Variants in DLC1 observed in about 807,000 individuals in gnomAD.
DLC1 encodes DLC1 Rho GTPase activating protein, also known as rho GTPase-activating protein 7.
DLC1 carries 54 observed loss-of-function variants against 140.3 expected under a neutral mutation model. The observed-to-expected ratio is 0.38, with a 90% CI of 0.31 to 0.48. The LOEUF (loss-of-function observed/expected upper bound fraction) is 0.48, where lower values mean the gene tolerates loss of function less well. DLC1 is among the 20% of genes least tolerant of loss of function. DLC1 has a pLI of 0.96. For missense variants in DLC1, 2,536 were observed against 1,907.0 expected, an observed-to-expected ratio of 1.33 and a Z score of -6.14; for synonymous variants, 986 against 728.1, an observed-to-expected ratio of 1.35 and a Z score of -5.70.
intron 2 of DLC1, among the ~76,000 whole-genome samples, chr8:13,439,715 G>A (rs777676980): frequency 6.6e-6 from 1 of 151,988 alleles, no homozygotes; most frequent in Non-Finnish European, 1.5e-5. Context: ...CTAGTTGGTC[G>A]AGACTTCCAC....
At chr8:13,141,856 C>A (rs1228444281) in intron 5 of DLC1, among the ~76,000 whole-genome samples, 3 of 152,104 alleles carry the variant, frequency 2.0e-5, no homozygotes, top group Non-Finnish European at 4.4e-5. Context: ...AACTGCAAGG[C>A]AACGAATTAC....
intron 5 of DLC1, among the ~76,000 whole-genome samples, chr8:13,217,541 A>G (rs1354500539): frequency 6.6e-6 from 1 of 152,134 alleles, no homozygotes; most frequent in African/African-American, 2.4e-5. Context: ...TTCATTTATA[A>G]TTAAAAACAA....
At chr8:13,191,120 A>T (rs530085337) in intron 5 of DLC1, among the ~76,000 whole-genome samples, 1 of 152,222 alleles carries the variant, frequency 6.6e-6, no homozygotes, top group Non-Finnish European at 1.5e-5. Flanking sequence ...AATGACTGGT[A>T]ATAGCAAAGA....
chr8:13,335,066 A>G (rs1360433862), intron 4 of DLC1, among the ~76,000 whole-genome samples: 1 of 152,142 alleles, frequency 6.6e-6, no homozygotes, highest in East Asian at 1.9e-4. Context: ...GACTCAGGAG[A>G]GAGGTCCAAG....
At chr8:13,344,809 A>G (rs1834251602) in intron 4 of DLC1, among the ~76,000 whole-genome samples, 1 of 152,262 alleles carries the variant, frequency 6.6e-6, no homozygotes, top group South Asian at 2.1e-4. Context: ...AAAGAGAGCA[A>G]TAACGACAGT....
chr8:13,411,339 A>C (rs2117297787), intron 2 of DLC1, among the ~76,000 whole-genome samples: 1 of 152,324 alleles, frequency 6.6e-6, no homozygotes, highest in Middle Eastern at 3.4e-3. Flanking sequence ...AATTCCAATT[A>C]TATGATATTC....
intron 1 of DLC1, among the ~76,000 whole-genome samples, chr8:13,534,748 C>T (rs6984481): frequency 0.072 from 10,887 of 152,236 alleles, 938 homozygotes; most frequent in East Asian, 0.45. Flanking sequence ...GTAGCTGAAT[C>T]CACAGGACTG....
intron 1 of DLC1, chr8:13,567,205 G>C: frequency 1.3e-6 from 2 of 1,551,734 alleles, no homozygotes; most frequent in Non-Finnish European, 1.7e-6. Context: ...CACACAATCT[G>C]AGCTTTTGGA....
intron 4 of DLC1, among the ~76,000 whole-genome samples, chr8:13,381,009 G>A (rs1836228128): frequency 6.6e-6 from 1 of 152,170 alleles, no homozygotes; most frequent in Non-Finnish European, 1.5e-5. Flanking sequence ...CAAGGCTGAT[G>A]AAAGGGACTT....
At chr8:13,201,907 C>CTAG (rs1013262866) in intron 5 of DLC1, among the ~76,000 whole-genome samples, 6 of 139,892 alleles carry the variant, frequency 4.3e-5, no homozygotes, top group Non-Finnish European at 7.7e-5. Flanking sequence ...GGTACTAAGT[C>CTAG]TAGTACCCAA....
At chr8:13,442,093 A>G (rs1377464731) in intron 2 of DLC1, among the ~76,000 whole-genome samples, 3 of 152,246 alleles carry the variant, frequency 2.0e-5, no homozygotes, top group African/African-American at 7.2e-5. Context: ...GAGAAAAACA[A>G]GAAATGGGGA....
chr8:13,411,118 A>C (rs1302566148), intron 2 of DLC1, among the ~76,000 whole-genome samples: 4 of 152,216 alleles, frequency 2.6e-5, no homozygotes, highest in Non-Finnish European at 5.9e-5. Context: ...CTGCATACAG[A>C]TGTTTATAGC....
At chr8:13,402,485 G>A (rs1017334147) in intron 2 of DLC1, among the ~76,000 whole-genome samples, 6 of 152,186 alleles carry the variant, frequency 3.9e-5, no homozygotes, top group African/African-American at 1.2e-4. Context: ...AGCACAGTTA[G>A]GTTCTTCAAA....
chr8:13,333,268 C>T (rs930920010), intron 4 of DLC1, among the ~76,000 whole-genome samples: 3 of 152,108 alleles, frequency 2.0e-5, no homozygotes, highest in Admixed American at 6.6e-5. Flanking sequence ...CTTTATTGCC[C>T]AGGCTGGAGT....
chr8:13,137,602 TG>T (rs1174083689), intron 5 of DLC1, among the ~76,000 whole-genome samples: 11 of 107,926 alleles, frequency 1.0e-4, no homozygotes, highest in African/African-American at 4.6e-4. Context: ...TTTTTGGTTT[TG>T]TTTTTTTTTT....
At chr8:13,123,663 T>C (rs1256305348) in intron 5 of DLC1, among the ~76,000 whole-genome samples, 1 of 152,138 alleles carries the variant, frequency 6.6e-6, no homozygotes, top group Admixed American at 6.5e-5. Context: ...TCTCTCCCTC[T>C]TTTCCTGTTT....
intron 2 of DLC1, among the ~76,000 whole-genome samples, chr8:13,451,207 A>C (rs905292471): frequency 1.3e-5 from 2 of 152,044 alleles, no homozygotes; most frequent in Non-Finnish European, 2.9e-5. Context: ...TCATTTATTG[A>C]CTATTTAAAA....
intron 4 of DLC1, among the ~76,000 whole-genome samples, chr8:13,320,154 C>G (rs1833033817): frequency 6.6e-6 from 1 of 152,108 alleles, no homozygotes; most frequent in Admixed American, 6.5e-5. Context: ...TGACAAAAGG[C>G]TGGTTTGGGT....
chr8:13,151,398 G>A (rs11998598), intron 5 of DLC1, among the ~76,000 whole-genome samples: 1,659 of 152,242 alleles, frequency 0.011, 25 homozygotes, highest in African/African-American at 0.038. Flanking sequence ...AGGAATTTAG[G>A]CAGAATTTGA....
Sources: allele counts gnomAD v4.1 joint callset (sites outside exome capture counted in the v4.1 genomes callset), GRCh38; gene constraint gnomAD v4.1.1; transcripts MANE v1.5; gene names NCBI Gene and HGNC (gene_info 2026-07-23, HGNC 2026-07-21).